The following SENP7 variants were observed in gnomAD, a reference collection of about 807,000 sequenced individuals.
SENP7 encodes sentrin-specific protease 7.
In SENP7, 64 loss-of-function variants were observed where a neutral mutation model predicts 141.2. The ratio of observed to expected loss-of-function variants is 0.45; its 90% CI spans 0.37 to 0.56. The LOEUF (loss-of-function observed/expected upper bound fraction) is 0.56. Ranked by LOEUF, SENP7 falls within the 20% of genes least tolerant of loss-of-function variation. SENP7 has a pLI of 0.00. For missense variants in SENP7, 1,025 were observed against 1,212.2 expected (o/e 0.85, Z 2.29); for synonymous variants, 382 against 426.4 (o/e 0.90, Z 1.28).
intron 6 of SENP7, among the ~76,000 whole-genome samples, chr3:101,372,971 A>G (rs2060222265): frequency 6.6e-6 from 1 of 152,012 alleles, no homozygotes; most frequent in African/African-American, 2.4e-5. Context: ...TATATAAATT[A>G]TTTACAACTA....
At position 101,348,041 on chromosome 3, in the gene SENP7, A is replaced by G; in HGVS notation, c.1668T>C (p.Asn556=). The change falls in exon 13 of 24, where the codon AAT becomes AAC. Residue 556 remains asparagine (N), a synonymous_variant. Coordinates refer to ENST00000394095, the MANE Select transcript of SENP7 (RefSeq NM_020654.5). ...YIKIPFQVSL[N]EISLLVDTTH... Reference sequence around the variant, plus strand: ...TGGTATCCACTAGCAATGAAATCTCATTCAGGGACACTGAAACAAATAAAA... The same window carrying G: ...TGGTATCCACTAGCAATGAAATCTCGTTCAGGGACACTGAAACAAATAAAA... The G allele has an allele frequency of 6.3e-7, 1 of 1,576,682 alleles. No homozygotes were observed. The highest frequency in any genetic ancestry group is 8.6e-7 in the Non-Finnish European group (1 of 1,162,420).
intron 13 of SENP7, among the ~76,000 whole-genome samples, chr3:101,344,707 G>A (rs538457454): frequency 1.1e-4 from 17 of 152,180 alleles, no homozygotes; most frequent in South Asian, 8.3e-4. Flanking sequence ...GTATTCAACC[G>A]AATCTTAAAG....
chr3:101,329,078 T>A (rs564610327), intron 20 of SENP7, among the ~76,000 whole-genome samples: 2 of 152,304 alleles, frequency 1.3e-5, no homozygotes, highest in East Asian at 3.9e-4. Flanking sequence ...AGAACCTTAA[T>A]CTATATTAAG....
At chr3:101,498,001 T>G (rs1028760535) in intron 2 of SENP7, among the ~76,000 whole-genome samples, 7 of 152,142 alleles carry the variant, frequency 4.6e-5, no homozygotes, top group Non-Finnish European at 7.4e-5. Flanking sequence ...CTCACTATGT[T>G]GCCCAGGCTG....
chr3:101,483,888 C>T (rs553120216), intron 3 of SENP7, among the ~76,000 whole-genome samples: 4 of 152,182 alleles, frequency 2.6e-5, no homozygotes, highest in African/African-American at 9.6e-5. Context: ...CAGGTCCAGA[C>T]ATGGTGGCAG....
At chr3:101,356,682 T>A (rs1184597559) in intron 11 of SENP7, among the ~76,000 whole-genome samples, 1 of 152,142 alleles carries the variant, frequency 6.6e-6, no homozygotes, top group African/African-American at 2.4e-5. Context: ...TCGGCAAAAA[T>A]ATATTTTCAT....
chr3:101,491,946 G>T (rs1283182687), intron 3 of SENP7, among the ~76,000 whole-genome samples: 1 of 152,200 alleles, frequency 6.6e-6, no homozygotes, highest in Non-Finnish European at 1.5e-5. Flanking sequence ...TACAAAATTA[G>T]CCGGGCGTGG....
intron 3 of SENP7, among the ~76,000 whole-genome samples, chr3:101,483,583 A>G (rs2064596341): frequency 6.6e-6 from 1 of 152,222 alleles, no homozygotes; most frequent in African/African-American, 2.4e-5. Context: ...ATACCCATGT[A>G]ACAAACCTGC....
intron 16 of SENP7, among the ~76,000 whole-genome samples, chr3:101,338,439 T>C (rs914795749): frequency 6.6e-6 from 1 of 152,208 alleles, no homozygotes; most frequent in Non-Finnish European, 1.5e-5. Flanking sequence ...AATCCTTCCA[T>C]ATAAGCTTAT....
chr3:101,478,818 C>A (rs1228691604), intron 3 of SENP7, among the ~76,000 whole-genome samples: 1 of 152,058 alleles, frequency 6.6e-6, no homozygotes, highest in Non-Finnish European at 1.5e-5. Flanking sequence ...TAATAGCATA[C>A]CGAATCCAAA....
At chr3:101,396,980 A>G (rs1011300301) in intron 6 of SENP7, among the ~76,000 whole-genome samples, 4 of 152,114 alleles carry the variant, frequency 2.6e-5, no homozygotes, top group African/African-American at 9.7e-5. Context: ...AGTGGTTGGG[A>G]TTATAGGCCC....
chr3:101,359,441 G>C (rs1298597891), intron 11 of SENP7, among the ~76,000 whole-genome samples: 1 of 150,824 alleles, frequency 6.6e-6, no homozygotes, highest in Non-Finnish European at 1.5e-5. Flanking sequence ...TGCAAACAGG[G>C]ATAGTTTGAC....
At chr3:101,369,774 T>G (rs931261917) in intron 7 of SENP7, among the ~76,000 whole-genome samples, 2 of 152,156 alleles carry the variant, frequency 1.3e-5, no homozygotes, top group African/African-American at 2.4e-5. Context: ...CAAGCCTGTC[T>G]CATGGAAAAA....
intron 19 of SENP7, among the ~76,000 whole-genome samples, chr3:101,331,405 C>T (rs2107206650): frequency 6.6e-6 from 1 of 151,246 alleles, no homozygotes; most frequent in Middle Eastern, 3.4e-3. Context: ...ATTACTTGAG[C>T]CCAGGAGTTC....
chr3:101,494,867 T>A (rs1026755825), intron 2 of SENP7, among the ~76,000 whole-genome samples: 55 of 152,236 alleles, frequency 3.6e-4, no homozygotes, highest in African/African-American at 1.3e-3. Flanking sequence ...GGCAATACCA[T>A]TCAGGACATA....
chr3:101,406,141 T>A (rs771963456), intron 5 of SENP7, among the ~76,000 whole-genome samples: 90 of 152,208 alleles, frequency 5.9e-4, no homozygotes, highest in Non-Finnish European at 7.6e-4. Flanking sequence ...ACACATATGT[T>A]TATTGTTGCA....
intron 1 of SENP7, among the ~76,000 whole-genome samples, chr3:101,503,103 G>A (rs528022159): frequency 6.6e-6 from 1 of 152,178 alleles, no homozygotes; most frequent in Non-Finnish European, 1.5e-5. Flanking sequence ...ACAAAAGTCT[G>A]AATAGGCACT....
intron 3 of SENP7, among the ~76,000 whole-genome samples, chr3:101,477,458 A>G (rs2108009200): frequency 6.6e-6 from 1 of 152,174 alleles, no homozygotes; most frequent in South Asian, 2.1e-4. Flanking sequence ...AGAAATTTAT[A>G]GCAATAAATA....
intron 6 of SENP7, among the ~76,000 whole-genome samples, chr3:101,387,389 C>T (rs925469995): frequency 6.6e-6 from 1 of 152,202 alleles, no homozygotes; most frequent in Non-Finnish European, 1.5e-5. Flanking sequence ...AATACCACTG[C>T]TGGCACCCAA....
Sources: gnomAD v4.1 joint callset for allele counts (sites outside exome capture counted in the v4.1 genomes callset) on GRCh38, gnomAD v4.1.1 for gene constraint, MANE v1.5 for transcripts, NCBI Gene and HGNC (gene_info 2026-07-23, HGNC 2026-07-21) for gene names.